Variants in POLN observed in about 807,000 individuals in gnomAD.
POLN encodes DNA polymerase N.
A neutral mutation model predicts 113.5 loss-of-function variants in POLN; 108 were observed. That is an observed-to-expected ratio of 0.95 (90% CI 0.81 to 1.12). POLN has a LOEUF of 1.12. POLN is among the 50% of genes most tolerant of loss of function. The pLI is 0.00. For missense variants in POLN, 1,097 were observed against 1,077.1 expected, an observed-to-expected ratio of 1.02 and a Z score of -0.26; for synonymous variants, 386 against 391.5, an observed-to-expected ratio of 0.99 and a Z score of 0.17.
chr4:2,240,674 T>C (rs1734950864), intron 2 of POLN: 1 of 1,614,094 alleles, frequency 6.2e-7, no homozygotes, highest in Non-Finnish European at 8.5e-7. Flanking sequence ...CCAGTCTAGG[T>C]GTCTTCAAAT....
At chr4:2,160,603 C>T (rs1732556495) in intron 13 of POLN, among the ~76,000 whole-genome samples, 1 of 152,034 alleles carries the variant, frequency 6.6e-6, no homozygotes, top group Non-Finnish European at 1.5e-5. Context: ...GAGATGAGGT[C>T]TCGCCATGTT....
chr4:2,238,899 C>T (rs1734865708), intron 2 of POLN: 2 of 1,613,118 alleles, frequency 1.2e-6, no homozygotes, highest in Non-Finnish European at 8.5e-7. Context: ...TCTCCCTTTA[C>T]CACTGGCATA....
chr4:2,220,601 C>A (rs1044969842), intron 3 of POLN, among the ~76,000 whole-genome samples: 1 of 152,372 alleles, frequency 6.6e-6, no homozygotes, highest in Admixed American at 6.5e-5. Flanking sequence ...CACCCCACTT[C>A]AGCCCTAGCA....
intron 16 of POLN, among the ~76,000 whole-genome samples, chr4:2,133,148 C>CAAAAA (rs3045447): frequency 0.018 from 2,594 of 140,646 alleles, 40 homozygotes; most frequent in Non-Finnish European, 0.029. Context: ...TAAAAAATGG[C>CAAAAA]AAAAAAAAAA....
intron 2 of POLN, chr4:2,238,796 A>T: frequency 6.2e-7 from 1 of 1,613,426 alleles, no homozygotes; most frequent in South Asian, 1.1e-5. Flanking sequence ...TAACTGTAGA[A>T]GTTCAAATGA....
At chr4:2,097,744 T>C (rs145826120) in intron 19 of POLN, among the ~76,000 whole-genome samples, 118 of 152,328 alleles carry the variant, frequency 7.7e-4, no homozygotes, top group African/African-American at 2.6e-3. Flanking sequence ...TCTCAAGGGA[T>C]CCTTCTGCTT....
intron 3 of POLN, among the ~76,000 whole-genome samples, chr4:2,219,162 G>A (rs1038473443): frequency 3.3e-5 from 5 of 152,094 alleles, no homozygotes; most frequent in South Asian, 4.2e-4. Flanking sequence ...AAATGGCTTC[G>A]GAGTGAGCCC....
chr4:2,177,282 C>G (rs1315241675), intron 8 of POLN: 1 of 482,826 alleles, frequency 2.1e-6, no homozygotes, highest in Admixed American at 2.1e-5. Flanking sequence ...TGGCTCCCCA[C>G]AGCCATGCCT....
At chr4:2,105,793 C>T (rs1441372554) in intron 19 of POLN, among the ~76,000 whole-genome samples, 2 of 145,474 alleles carry the variant, frequency 1.4e-5, no homozygotes, top group African/African-American at 5.1e-5. Context: ...GCCCACTCTC[C>T]CAGACAAATA....
chr4:2,109,557 T>C (rs1731143939), intron 19 of POLN, among the ~76,000 whole-genome samples: 1 of 152,250 alleles, frequency 6.6e-6, no homozygotes, highest in African/African-American at 2.4e-5. Context: ...TATTTTAAAG[T>C]TGTTTTAATA....
At chr4:2,091,761 C>CTGTGTG (rs765518897) in intron 20 of POLN, among the ~76,000 whole-genome samples, 2,475 of 145,114 alleles carry the variant, frequency 0.017, 52 homozygotes, top group African/African-American at 0.048. Flanking sequence ...ACACGTGAAT[C>CTGTGTG]TGTGTGTGTG....
At chr4:2,100,290 G>A (rs1577691947) in intron 19 of POLN, among the ~76,000 whole-genome samples, 1 of 152,026 alleles carries the variant, frequency 6.6e-6, no homozygotes, top group Non-Finnish European at 1.5e-5. Flanking sequence ...AAATTATAAA[G>A]AAAAAATTAG....
At chr4:2,158,017 T>C (rs1195176057) in intron 14 of POLN, 106 bp from the exon 15 acceptor site, 1 of 759,178 alleles carries the variant, frequency 1.3e-6, no homozygotes. Flanking sequence ...AGTGGCGTGA[T>C]CTCGGCTTGC....
intron 19 of POLN, among the ~76,000 whole-genome samples, chr4:2,112,027 C>T (rs982236706): frequency 1.6e-4 from 24 of 152,212 alleles, no homozygotes; most frequent in Non-Finnish European, 2.6e-4. Context: ...GGTACTGGTA[C>T]CAAAACAGAG....
intron 20 of POLN, among the ~76,000 whole-genome samples, chr4:2,091,147 G>A (rs1730653051): frequency 6.6e-6 from 1 of 152,200 alleles, no homozygotes; most frequent in Non-Finnish European, 1.5e-5. Flanking sequence ...CCTCTGGGTA[G>A]TTGTCTTTTT....
At chr4:2,113,832 T>C (rs1308889885) in intron 19 of POLN, among the ~76,000 whole-genome samples, 1 of 150,520 alleles carries the variant, frequency 6.6e-6, no homozygotes, top group Non-Finnish European at 1.5e-5. Flanking sequence ...CGTGCTGGCC[T>C]GGGTGACAGA....
chr4:2,130,122 G>A (rs185390338), intron 17 of POLN, among the ~76,000 whole-genome samples: 1 of 152,034 alleles, frequency 6.6e-6, no homozygotes, highest in Non-Finnish European at 1.5e-5. Context: ...GGCCGTAATG[G>A]TGCATGCCTG....
At chr4:2,162,826 T>C (rs910712106) in intron 13 of POLN, among the ~76,000 whole-genome samples, 1 of 152,064 alleles carries the variant, frequency 6.6e-6, no homozygotes, top group East Asian at 1.9e-4. Context: ...TCTTGGTCCA[T>C]TGGCCTATTT....
At chr4:2,229,044 G>A in intron 3 of POLN, 55 bp downstream of exon 3, 1 of 1,497,682 alleles carries the variant, frequency 6.7e-7, no homozygotes, top group South Asian at 1.2e-5. Flanking sequence ...TTAGTCTTTA[G>A]AACAATTAAC....
Sources: allele counts gnomAD v4.1 joint callset (sites outside exome capture counted in the v4.1 genomes callset), GRCh38; gene constraint gnomAD v4.1.1; transcripts MANE v1.5; gene names NCBI Gene and HGNC (gene_info 2026-07-23, HGNC 2026-07-21).